The following B3GALT1 variants were observed in gnomAD, a reference collection of about 807,000 sequenced individuals.
B3GALT1 encodes the protein UDP-Gal:betaGlcNAc beta 1,3-galactosyltransferase, polypeptide 1.
B3GALT1 carries 10 observed loss-of-function variants against 23.2 expected under a neutral mutation model. The ratio of observed to expected loss-of-function variants is 0.43; its 90% CI spans 0.27 to 0.73. B3GALT1 has a LOEUF of 0.73. B3GALT1 is among the 30% of genes least tolerant of loss of function. B3GALT1 has a pLI of 0.21. For synonymous variants in B3GALT1, 156 were observed against 141.5 expected, an observed-to-expected ratio of 1.10 and a Z score of -0.73; for missense variants, 299 against 405.4, an observed-to-expected ratio of 0.74 and a Z score of 2.25.
At chr2:167,543,087 A>G (rs1683560894) in intron 2 of B3GALT1, among the ~76,000 whole-genome samples, 1 of 152,142 alleles carries the variant, frequency 6.6e-6, no homozygotes, top group Non-Finnish European at 1.5e-5. Flanking sequence ...GAAGGGAAAT[A>G]TATACTAATT....
intron 2 of B3GALT1, among the ~76,000 whole-genome samples, chr2:167,556,931 G>A (rs1683863053): frequency 6.6e-6 from 1 of 152,182 alleles, no homozygotes; most frequent in African/African-American, 2.4e-5. Context: ...AGAAGAAACT[G>A]AGGAAAGTGA....
chr2:167,442,200 G>A (rs1698905864), intron 1 of B3GALT1, among the ~76,000 whole-genome samples: 1 of 152,058 alleles, frequency 6.6e-6, no homozygotes, highest in Admixed American at 6.5e-5. Flanking sequence ...CCCTACAAAG[G>A]ACATGAACTC....
chr2:167,514,250 ATTTTACAAGGTAC>A (rs1007520028), intron 2 of B3GALT1, among the ~76,000 whole-genome samples: 3 of 152,218 alleles, frequency 2.0e-5, no homozygotes, highest in Non-Finnish European at 2.9e-5. Flanking sequence ...ATTAATAAAT[ATTTTACAAGGTAC>A]TTTTTAAGAC....
intron 3 of B3GALT1, among the ~76,000 whole-genome samples, chr2:167,653,795 C>T (rs1189440304): frequency 6.6e-6 from 1 of 152,162 alleles, no homozygotes; most frequent in Non-Finnish European, 1.5e-5. Context: ...ATATGTGCCA[C>T]CACTGCCAGT....
chr2:167,303,191 A>C (rs1259578863), intron 1 of B3GALT1, among the ~76,000 whole-genome samples: 1 of 152,180 alleles, frequency 6.6e-6, no homozygotes, highest in Non-Finnish European at 1.5e-5. Flanking sequence ...GTTTCTTTTC[A>C]GAACATAAGG....
At chr2:167,776,046 A>G (rs1243014878) in intron 3 of B3GALT1, among the ~76,000 whole-genome samples, 4 of 144,740 alleles carry the variant, frequency 2.8e-5, no homozygotes, top group Non-Finnish European at 6.1e-5. Flanking sequence ...CTGTGCACAC[A>G]CACACACACA....
chr2:167,842,173 C>T (rs1449298996), intron 4 of B3GALT1, among the ~76,000 whole-genome samples: 1 of 152,100 alleles, frequency 6.6e-6, no homozygotes, highest in Non-Finnish European at 1.5e-5. Context: ...CAAAACAAAG[C>T]AAAATAGAAA....
At chr2:167,755,649 C>A (rs545596777) in intron 3 of B3GALT1, among the ~76,000 whole-genome samples, 1 of 152,006 alleles carries the variant, frequency 6.6e-6, no homozygotes, top group African/African-American at 2.4e-5. Flanking sequence ...AGTCCCCTAA[C>A]CTTCCAGGAG....
chr2:167,843,570 G>T (rs1236141684), intron 4 of B3GALT1, among the ~76,000 whole-genome samples: 1 of 152,178 alleles, frequency 6.6e-6, no homozygotes, highest in Non-Finnish European at 1.5e-5. Flanking sequence ...ATGTGTCTTT[G>T]TCATTCCTGG....
At chr2:167,838,556 G>C (rs1468763313) in intron 4 of B3GALT1, among the ~76,000 whole-genome samples, 1 of 152,276 alleles carries the variant, frequency 6.6e-6, no homozygotes, top group African/African-American at 2.4e-5. Context: ...ACCATAAAGA[G>C]TCCAGGACCA....
intron 2 of B3GALT1, among the ~76,000 whole-genome samples, chr2:167,583,416 T>C (rs1660991125): frequency 6.6e-6 from 1 of 152,168 alleles, no homozygotes; most frequent in African/African-American, 2.4e-5. Flanking sequence ...AATTCATTTT[T>C]TCTCCCTCTC....
intron 3 of B3GALT1, among the ~76,000 whole-genome samples, chr2:167,786,498 AC>A (rs1688347193): frequency 6.6e-6 from 1 of 152,152 alleles, no homozygotes; most frequent in Non-Finnish European, 1.5e-5. Flanking sequence ...TTCTACTTCT[AC>A]TTTTGGTCTT....
At chr2:167,629,823 C>G (rs1436878740) in intron 2 of B3GALT1, among the ~76,000 whole-genome samples, 1 of 151,736 alleles carries the variant, frequency 6.6e-6, no homozygotes, top group African/African-American at 2.4e-5. Flanking sequence ...AAATGTAATG[C>G]CACCCTGTGA....
At chr2:167,758,405 T>A (rs1345552385) in intron 3 of B3GALT1, among the ~76,000 whole-genome samples, 1 of 152,106 alleles carries the variant, frequency 6.6e-6, no homozygotes, top group Admixed American at 6.5e-5. Flanking sequence ...TCTGAGATGA[T>A]CTCAGCGATA....
chr2:167,514,183 A>T (rs1340584052), intron 2 of B3GALT1, among the ~76,000 whole-genome samples: 4 of 152,166 alleles, frequency 2.6e-5, no homozygotes, highest in African/African-American at 9.7e-5. Context: ...CTGGGATTAC[A>T]GGTGTGAGCC....
At chr2:167,569,965 A>G (rs1262014424) in intron 2 of B3GALT1, among the ~76,000 whole-genome samples, 2 of 151,878 alleles carry the variant, frequency 1.3e-5, no homozygotes, top group Non-Finnish European at 2.9e-5. Flanking sequence ...TATGTAATAG[A>G]TCGTGTTAAT....
intron 4 of B3GALT1, among the ~76,000 whole-genome samples, chr2:167,857,118 T>TAAA (rs1690014054): frequency 6.6e-6 from 1 of 152,158 alleles, no homozygotes; most frequent in Non-Finnish European, 1.5e-5. Flanking sequence ...AACCCTATGC[T>TAAA]TTGTCCAGGA....
At chr2:167,594,162 G>A (rs962146866) in intron 2 of B3GALT1, among the ~76,000 whole-genome samples, 1 of 152,194 alleles carries the variant, frequency 6.6e-6, no homozygotes, top group African/African-American at 2.4e-5. Context: ...GTTATCTCGA[G>A]TGGAGGTAGT....
At chr2:167,717,100 G>T (rs1281620891) in intron 3 of B3GALT1, among the ~76,000 whole-genome samples, 7 of 152,136 alleles carry the variant, frequency 4.6e-5, no homozygotes, top group Non-Finnish European at 7.4e-5. Flanking sequence ...TTTTAGAGCT[G>T]CCAGAAAGAA....
Sources: gnomAD v4.1 joint callset for allele counts (sites outside exome capture counted in the v4.1 genomes callset) on GRCh38, gnomAD v4.1.1 for gene constraint, MANE v1.5 for transcripts, NCBI Gene and HGNC (gene_info 2026-07-23, HGNC 2026-07-21) for gene names.